DNAH14: variants seen among roughly 807,000 people sequenced by gnomAD.
The protein encoded by DNAH14 is axonemal beta dynein heavy chain 14.
Under a neutral mutation model 520.9 loss-of-function variants are expected in DNAH14, and 478 were observed. That is an observed-to-expected ratio of 0.92 (90% CI 0.85 to 0.99). The LOEUF (loss-of-function observed/expected upper bound fraction) is 0.99. Among genes scored for constraint, DNAH14 ranks in the 50% least tolerant of loss-of-function variants. The pLI is 0.00. For missense variants in DNAH14, 4,831 were observed against 5,234.5 expected, an observed-to-expected ratio of 0.92 and a Z score of 2.38; for synonymous variants, 1,581 against 1,757.2, an observed-to-expected ratio of 0.90 and a Z score of 2.51.
chr1:224,977,136 C>T (rs2061910440), intron 8 of DNAH14, among the ~76,000 whole-genome samples: 1 of 151,944 alleles, frequency 6.6e-6, no homozygotes. Context: ...GGCACATATA[C>T]ACCATGGAAT....
chr1:225,359,561 T>C (rs561718345), intron 74 of DNAH14, among the ~76,000 whole-genome samples: 1 of 152,222 alleles, frequency 6.6e-6, no homozygotes, highest in Non-Finnish European at 1.5e-5. Flanking sequence ...GTCTTTAGAA[T>C]TCATCATTTC....
At chr1:225,334,908 G>GTGTGTGTA (rs58202867) in intron 66 of DNAH14, among the ~76,000 whole-genome samples, 2,847 of 146,360 alleles carry the variant, frequency 0.019, 44 homozygotes, top group East Asian at 0.053. Flanking sequence ...GTGTGTGTGT[G>GTGTGTGTA]TATATGTATA....
chr1:225,239,072 G>A (rs2091802631), intron 42 of DNAH14, among the ~76,000 whole-genome samples: 1 of 152,192 alleles, frequency 6.6e-6, no homozygotes, highest in Non-Finnish European at 1.5e-5. Context: ...CCAGTGGCTG[G>A]CTGGAATTCC....
intron 37 of DNAH14, among the ~76,000 whole-genome samples, chr1:225,185,946 G>GGTTT (rs372922426): frequency 2.0e-5 from 2 of 98,784 alleles, no homozygotes; most frequent in Admixed American, 1.2e-4. Context: ...ATTACACTTT[G>GGTTT]TTTTTTTTTT....
rs57900981 is a variant in DNAH14, at chr1:225,086,990, C to CCACA, written c.3573+1244_3573+1247dup. On this transcript the variant is annotated intron_variant, in intron 21 of 85. Transcript: ENST00000682510. ...CACATTCAAGAAGCTGAAAAGAACA[C>CCACA]CACACACACACACACACACACACAC... 5.4e-3 allele frequency among the ~76,000 whole-genome samples: 790 copies of CCACA among 146,852 alleles called. 4 individuals carry two copies. The highest frequency in any genetic ancestry group is 0.016 in the African/African-American group (642 of 38,958).
At chr1:225,363,499 A>T (rs975639170) in intron 75 of DNAH14, among the ~76,000 whole-genome samples, 1 of 152,168 alleles carries the variant, frequency 6.6e-6, no homozygotes, top group Non-Finnish European at 1.5e-5. Context: ...CCACCCAGGT[A>T]GCTGGAACTA....
At position 225,263,266 on chromosome 1, in the gene DNAH14, A is replaced by G. The variant is rs192118848; in HGVS notation, c.7158-931A>G. Among the ~76,000 whole-genome samples, 29 of 151,528 alleles carry G rather than the reference A, an allele frequency of 1.9e-4. No individual in the cohort carries two copies. In the East Asian group the frequency reaches 5.4e-3, roughly 28 times the overall value. Reference sequence around the variant, plus strand: ...CACATATATATACATGTATATATATAATACTTGGATATCTTATAAACATTT... The same window carrying G: ...CACATATATATACATGTATATATATGATACTTGGATATCTTATAAACATTT... On this transcript the variant is annotated intron_variant, in intron 46 of 85. Transcript: ENST00000682510.
chr1:225,283,071 A>C (rs1284482358), intron 54 of DNAH14, among the ~76,000 whole-genome samples: 1 of 151,920 alleles, frequency 6.6e-6, no homozygotes, highest in Middle Eastern at 3.2e-3. Context: ...TATATATAAT[A>C]AAAAAGCCAA....
chr1:225,118,164 C>T (rs1318001540), intron 25 of DNAH14, 165 bp downstream of exon 25: 4 of 680,946 alleles, frequency 5.9e-6, no homozygotes, highest in Non-Finnish European at 5.3e-6. Context: ...CCCTACAATA[C>T]ATAATCTCAC....
At position 225,007,563 on chromosome 1, in the gene DNAH14, C is replaced by G. The variant is rs201989304; in HGVS notation, c.1107+19C>G. 28 of 1,478,376 alleles carry G rather than the reference C, an allele frequency of 1.9e-5. No individual in the cohort carries two copies. Among genetic ancestry groups the G allele is most frequent in the Non-Finnish European group, 2.3e-5 (25 of 1,107,872 alleles). 91.6% of individuals were successfully genotyped at this position (1,478,376 alleles called of 1,614,324 possible). On this transcript the variant is annotated intron_variant, in intron 10 of 85. Coordinates refer to ENST00000682510, the MANE Select transcript of DNAH14 (RefSeq NM_001367479.1). ...TCTAAAGGTAATTCTTTAATTATAT[C>G]ATATTTATCAAAGTTGCAATTTACT...
At chr1:225,233,870 A>C (rs1406356286) in intron 42 of DNAH14, among the ~76,000 whole-genome samples, 1 of 152,096 alleles carries the variant, frequency 6.6e-6, no homozygotes, top group African/African-American at 2.4e-5. Flanking sequence ...CCGTGCCTAT[A>C]TTCTGAATGG....
chr1:225,142,232 TAGAAA>T (rs1171495769), intron 28 of DNAH14, among the ~76,000 whole-genome samples: 1 of 152,150 alleles, frequency 6.6e-6, no homozygotes, highest in Non-Finnish European at 1.5e-5. Context: ...AAAGGTAAAC[TAGAAA>T]AGAGAAGATT....
chr1:225,033,413 C>T (rs2066691859), intron 11 of DNAH14, among the ~76,000 whole-genome samples: 1 of 152,070 alleles, frequency 6.6e-6, no homozygotes, highest in Non-Finnish European at 1.5e-5. Flanking sequence ...TTTCTGGGCT[C>T]TCTATTCTGT....
intron 36 of DNAH14, among the ~76,000 whole-genome samples, chr1:225,170,142 C>T (rs2082457789): frequency 6.6e-6 from 1 of 152,176 alleles, no homozygotes; most frequent in African/African-American, 2.4e-5. Flanking sequence ...AAAGGAACAA[C>T]CAGTACCAGC....
chr1:225,150,548 G>A (rs1389865395), intron 31 of DNAH14, among the ~76,000 whole-genome samples: 1 of 152,078 alleles, frequency 6.6e-6, no homozygotes, highest in Non-Finnish European at 1.5e-5. Flanking sequence ...TGGTTGGTAG[G>A]CTATTTATTA....
chr1:225,328,258 C>T (rs572456316), intron 64 of DNAH14, among the ~76,000 whole-genome samples: 55 of 152,262 alleles, frequency 3.6e-4, no homozygotes, highest in African/African-American at 1.3e-3. Context: ...GCAGATTTCT[C>T]AGCAGAAATT....
intron 46 of DNAH14, among the ~76,000 whole-genome samples, chr1:225,261,875 A>G (rs1024763465): frequency 5.9e-5 from 9 of 152,098 alleles, no homozygotes; most frequent in Non-Finnish European, 1.3e-4. Flanking sequence ...AAAAGTATTA[A>G]CAACTAGATT....
At chr1:224,981,889 A>G (rs554520149) in intron 8 of DNAH14, among the ~76,000 whole-genome samples, 7 of 152,280 alleles carry the variant, frequency 4.6e-5, no homozygotes, top group African/African-American at 1.4e-4. Flanking sequence ...AGGGAAAGTT[A>G]TAGGGAATAG....
At chr1:225,137,496 C>T (rs536615761) in intron 27 of DNAH14, among the ~76,000 whole-genome samples, 14 of 152,236 alleles carry the variant, frequency 9.2e-5, no homozygotes, top group East Asian at 5.8e-4. Context: ...GCTGAGATTA[C>T]GGGCATGCAC....
Sources: gnomAD v4.1 joint callset for allele counts (sites outside exome capture counted in the v4.1 genomes callset) on GRCh38, gnomAD v4.1.1 for gene constraint, MANE v1.5 for transcripts, NCBI Gene and HGNC (gene_info 2026-07-23, HGNC 2026-07-21) for gene names.